Variants in EPHA6 observed in about 807,000 individuals in gnomAD.
EPHA6 encodes the protein EPH receptor A6, also known as ephrin type-A receptor 6.
In EPHA6, 50 loss-of-function variants were observed where a neutral mutation model predicts 112.0. That is an observed-to-expected ratio of 0.45 (90% CI 0.36 to 0.56). EPHA6 has a LOEUF of 0.56. Among genes scored for constraint, EPHA6 ranks in the 20% least tolerant of loss-of-function variants. The pLI is 0.00. For missense variants in EPHA6, 1,280 were observed against 1,417.4 expected (o/e 0.90, Z 1.56); for synonymous variants, 529 against 490.7 (o/e 1.08, Z -1.03).
intron 5 of EPHA6, among the ~76,000 whole-genome samples, chr3:97,297,134 A>G (rs2080900374): frequency 6.6e-6 from 1 of 152,110 alleles, no homozygotes. Context: ...CTCTCCTGTC[A>G]CTAGGGTTGT....
chr3:96,976,054 G>A (rs544126333), intron 2 of EPHA6, among the ~76,000 whole-genome samples: 2 of 152,154 alleles, frequency 1.3e-5, no homozygotes, highest in African/African-American at 2.4e-5. Context: ...ATTAATGACA[G>A]GTTTGATAAT....
chr3:96,981,998 A>G (rs1466250726), intron 2 of EPHA6, among the ~76,000 whole-genome samples: 1 of 152,116 alleles, frequency 6.6e-6, no homozygotes, highest in Non-Finnish European at 1.5e-5. Context: ...ATCTTTTCAA[A>G]AAACCATCCA....
chr3:97,694,457 A>G (rs2032892856), intron 14 of EPHA6, among the ~76,000 whole-genome samples: 1 of 151,994 alleles, frequency 6.6e-6, no homozygotes, highest in Non-Finnish European at 1.5e-5. Flanking sequence ...GGCTTGTCTC[A>G]AACTCCTGAC....
intron 7 of EPHA6, among the ~76,000 whole-genome samples, chr3:97,462,010 A>G (rs1310800546): frequency 6.6e-6 from 1 of 152,162 alleles, no homozygotes; most frequent in Non-Finnish European, 1.5e-5. Flanking sequence ...TCTTTTAAAC[A>G]CTTAACACAT....
chr3:97,753,198 T>C lies in EPHA6; in HGVS notation c.*4497T>C, dbSNP rs1301210712. On this transcript the variant is annotated 3_prime_UTR_variant, in exon 18 of 18. Transcript: ENST00000389672. ...AAATATCTATGGAATATCTCCTATA[T>C]GCACAAAATTTTACTACAAAGATAC... Among the ~76,000 whole-genome samples the C allele has an allele frequency of 6.6e-6, 1 of 152,324 alleles. No individual in the cohort carries two copies. The highest frequency in any genetic ancestry group is 1.9e-4 in the East Asian group (1 of 5,190).
intron 2 of EPHA6, among the ~76,000 whole-genome samples, chr3:96,887,680 G>C (rs368476881): frequency 1.3e-5 from 2 of 152,148 alleles, no homozygotes; most frequent in East Asian, 3.9e-4. Context: ...TTTGTTTTCT[G>C]CTACCAGGGT....
At chr3:97,217,348 C>G (rs1487634603) in intron 3 of EPHA6, among the ~76,000 whole-genome samples, 1 of 152,032 alleles carries the variant, frequency 6.6e-6, no homozygotes, top group East Asian at 1.9e-4. Flanking sequence ...AAGTATGTCA[C>G]TTTTCTAAAA....
intron 11 of EPHA6, among the ~76,000 whole-genome samples, chr3:97,562,397 CT>C (rs1391590084): frequency 6.6e-6 from 1 of 152,028 alleles, no homozygotes; most frequent in Admixed American, 6.6e-5. Flanking sequence ...CTCATGGATG[CT>C]TTTGAGGGGT....
chr3:97,167,506 T>G (rs1468369043), intron 3 of EPHA6, among the ~76,000 whole-genome samples: 4 of 152,140 alleles, frequency 2.6e-5, no homozygotes, highest in African/African-American at 7.2e-5. Context: ...TCATGTTAAC[T>G]TTTATTTTAA....
intron 2 of EPHA6, among the ~76,000 whole-genome samples, chr3:96,898,381 T>C (rs1295439680): frequency 6.6e-6 from 1 of 152,184 alleles, no homozygotes. Flanking sequence ...AAGAAATATG[T>C]CTTAGCGTAA....
intron 2 of EPHA6, among the ~76,000 whole-genome samples, chr3:96,964,840 C>T (rs2042065596): frequency 6.6e-6 from 1 of 152,118 alleles, no homozygotes; most frequent in Non-Finnish European, 1.5e-5. Flanking sequence ...TCTGTAATGG[C>T]TGCAAAAGTC....
intron 2 of EPHA6, among the ~76,000 whole-genome samples, chr3:96,968,335 G>A (rs1398457983): frequency 6.6e-6 from 1 of 150,986 alleles, no homozygotes; most frequent in Non-Finnish European, 1.5e-5. Flanking sequence ...GGATTTAACT[G>A]TAAACTTTAA....
At chr3:96,923,930 G>C (rs534262096) in intron 2 of EPHA6, among the ~76,000 whole-genome samples, 1 of 152,116 alleles carries the variant, frequency 6.6e-6, no homozygotes, top group East Asian at 1.9e-4. Flanking sequence ...TTGAAGATTC[G>C]ATGGCTTAGT....
intron 14 of EPHA6, among the ~76,000 whole-genome samples, chr3:97,690,186 A>C (rs1576294259): frequency 6.6e-6 from 1 of 152,206 alleles, no homozygotes; most frequent in Non-Finnish European, 1.5e-5. Flanking sequence ...GTTAAACAGG[A>C]TAACTCTGTG....
intron 1 of EPHA6, among the ~76,000 whole-genome samples, chr3:96,854,859 A>C (rs1032745897): frequency 6.6e-6 from 1 of 152,190 alleles, no homozygotes; most frequent in Non-Finnish European, 1.5e-5. Flanking sequence ...TAAAAACCTT[A>C]CTGTATTTGT....
At chr3:97,466,234 G>T in intron 7 of EPHA6, 1 of 923,112 alleles carries the variant, frequency 1.1e-6, no homozygotes, top group Non-Finnish European at 1.8e-6. Flanking sequence ...TTGGGAGGCT[G>T]TGTTTATCAT....
chr3:97,578,858 T>C (rs556747123), intron 11 of EPHA6, among the ~76,000 whole-genome samples: 13 of 152,356 alleles, frequency 8.5e-5, no homozygotes, highest in African/African-American at 2.9e-4. Context: ...CTATTGTGTA[T>C]GAATGTGTTA....
In EPHA6 at chr3:97,085,934, TATATATATATATATAC is replaced by T. The variant is rs1287718620; in HGVS notation, c.1114+97943_1114+97958del. Among the ~76,000 whole-genome samples the T allele has an allele frequency of 3.6e-4, 52 of 143,400 alleles. 1 individual carries two copies. Among genetic ancestry groups the T allele is most frequent in the African/African-American group, 1.2e-3 (41 of 34,820 alleles). 94.1% of individuals were successfully genotyped at this position (143,400 alleles called of 152,430 possible). ...GCTTTTATATATATGATGTCATATA[TATATATATATATATAC>T]ACACTGAGATGGAGTCTCTTGTCAC... On this transcript the variant is annotated intron_variant, in intron 3 of 17. Coordinates refer to ENST00000389672, the MANE Select transcript of EPHA6 (RefSeq NM_001080448.3).
At chr3:97,601,846 G>C (rs1162865708) in intron 12 of EPHA6, among the ~76,000 whole-genome samples, 1 of 151,778 alleles carries the variant, frequency 6.6e-6, no homozygotes. Context: ...ATTCTGTTTG[G>C]GGTTTATTTT....
Sources: gnomAD v4.1 joint callset for allele counts (sites outside exome capture counted in the v4.1 genomes callset) on GRCh38, gnomAD v4.1.1 for gene constraint, MANE v1.5 for transcripts, NCBI Gene and HGNC (gene_info 2026-07-23, HGNC 2026-07-21) for gene names.